Variants in SKAP1 observed in about 807,000 individuals in gnomAD.
SKAP1 encodes the protein src kinase-associated phosphoprotein 1.
SKAP1 carries 44 observed loss-of-function variants against 58.5 expected under a neutral mutation model. The ratio of observed to expected loss-of-function variants is 0.75; its 90% CI spans 0.59 to 0.97. The LOEUF (loss-of-function observed/expected upper bound fraction) is 0.97. Among genes scored for constraint, SKAP1 ranks in the 50% least tolerant of loss-of-function variants. The probability of loss-of-function intolerance (pLI) is 0.00; values close to 1 mark genes in which losing one functional copy is unlikely to be tolerated. For missense variants in SKAP1, 390 were observed against 435.2 expected, an observed-to-expected ratio of 0.90 and a Z score of 0.92; for synonymous variants, 127 against 149.7, an observed-to-expected ratio of 0.85 and a Z score of 1.11.
At chr17:48,238,409 G>GT (rs1209989096) in intron 4 of SKAP1, among the ~76,000 whole-genome samples, 12 of 151,256 alleles carry the variant, frequency 7.9e-5, no homozygotes, top group African/African-American at 2.2e-4. Context: ...TTTATTTTGA[G>GT]TTTTTTTTTG....
rs1291672572 is a variant in SKAP1 at position 48,133,456 on chromosome 17, A to G, written c.*368T>C. 2 of 152,220 alleles carry G rather than the reference A, an allele frequency of 1.3e-5. No individual in the cohort carries two copies. Among genetic ancestry groups the G allele is most frequent in the African/African-American group, 4.8e-5 (2 of 41,452 alleles). 9.4% of individuals were successfully genotyped at this position (152,220 alleles called of 1,614,324 possible). ...ATCATCACACATGGCAAGGAACCAC[A>G]TCCCAAGTTTATTTGTGCTTTTCAA... On this transcript the variant is annotated 3_prime_UTR_variant, in exon 13 of 13. Transcript: ENST00000336915.
At chr17:48,401,777 C>A (rs1043517048) in intron 1 of SKAP1, among the ~76,000 whole-genome samples, 3 of 151,564 alleles carry the variant, frequency 2.0e-5, no homozygotes, top group Non-Finnish European at 4.4e-5. Context: ...ACAAACAAGG[C>A]ATCATCAAAT....
At chr17:48,396,846 G>T in intron 1 of SKAP1, 61 bp from the exon 2 acceptor site, 1 of 1,248,254 alleles carries the variant, frequency 8.0e-7, no homozygotes, top group Non-Finnish European at 1.2e-6. Context: ...AGGAAAATCA[G>T]AAGGATTAAG....
rs1033721765 is a variant in SKAP1 at position 48,230,617 on chromosome 17, G to A, written c.281-41117C>T. On this transcript the variant is annotated intron_variant, in intron 4 of 12. Transcript: ENST00000336915. ...AAAAAATACAAAAAATTAGCCAGGT[G>A]TGGTGGTGTGTGCCTGTAGTCTCAT... Among the ~76,000 whole-genome samples, 11 of 152,210 alleles carry A rather than the reference G, an allele frequency of 7.2e-5. No homozygotes were observed. The South Asian group carries it at 2.3e-3, about 32-fold the overall frequency.
chr17:48,233,800 G>A (rs2065151085), intron 4 of SKAP1, among the ~76,000 whole-genome samples: 1 of 152,124 alleles, frequency 6.6e-6, no homozygotes, highest in Non-Finnish European at 1.5e-5. Flanking sequence ...AGGTTGCAAT[G>A]GGCTGAGATT....
At chr17:48,381,660 AT>A (rs1440796736) in intron 2 of SKAP1, among the ~76,000 whole-genome samples, 1 of 152,182 alleles carries the variant, frequency 6.6e-6, no homozygotes, top group Non-Finnish European at 1.5e-5. Flanking sequence ...GGATTTTTTT[AT>A]CTTTCCCATG....
intron 4 of SKAP1, among the ~76,000 whole-genome samples, chr17:48,204,997 CTTTCTTTCTTTCTTTCTT>C (rs201754580): frequency 0.02 from 908 of 44,554 alleles, 9 homozygotes; most frequent in East Asian, 0.084. Context: ...TTCTTTCTTT[CTTTCTTTCTTTCTTTCTT>C]TTTCTTTCTT....
At chr17:48,216,666 A>AT (rs2064943322) in intron 4 of SKAP1, among the ~76,000 whole-genome samples, 2 of 151,856 alleles carry the variant, frequency 1.3e-5, no homozygotes, top group Non-Finnish European at 2.9e-5. Context: ...TAATTTTTGT[A>AT]TTTTTTGTAG....
intron 3 of SKAP1, among the ~76,000 whole-genome samples, chr17:48,362,866 T>C (rs2066953331): frequency 6.6e-6 from 1 of 152,216 alleles, no homozygotes; most frequent in Non-Finnish European, 1.5e-5. Context: ...GAATAAAAAG[T>C]ACTTAAAAAG....
chr17:48,214,738 A>C, intron 4 of SKAP1, among the ~76,000 whole-genome samples: 1 of 150,876 alleles, frequency 6.6e-6, no homozygotes, highest in South Asian at 2.1e-4. Context: ...CCTGGCCAAC[A>C]TGGTGAAACC....
At chr17:48,172,657 TGA>T (rs1218279840) in intron 9 of SKAP1, among the ~76,000 whole-genome samples, 1 of 152,186 alleles carries the variant, frequency 6.6e-6, no homozygotes, top group Non-Finnish European at 1.5e-5. Context: ...TCCTTTCTCC[TGA>T]GTCTTAATGA....
In SKAP1 at chr17:48,396,686, T is replaced by C. The variant is rs1309287514; in HGVS notation, c.146A>G (p.Lys49Arg). 1.9e-6 allele frequency: 3 copies of C among 1,607,282 alleles called. No individual in the cohort carries two copies. The highest frequency in any genetic ancestry group is 2.6e-6 in the Non-Finnish European group (3 of 1,174,596). ...GGAACCAGTTTATACAAACCTGGCT[T>C]TGATTTGCTGAAAGCCCCGTAGAAT... The part of the protein sequence containing the change: ...DHILRGFQQI[K>R]ARYYWDFQPQ... The change falls in exon 2 of 13, where the codon AAA becomes AGA. Residue 49 changes from lysine (K) to arginine (R), a missense_variant. Coordinates refer to ENST00000336915, the MANE Select transcript of SKAP1 (RefSeq NM_003726.4).
chr17:48,342,899 G>A (rs985216173), intron 4 of SKAP1, among the ~76,000 whole-genome samples: 4 of 151,972 alleles, frequency 2.6e-5, no homozygotes, highest in Non-Finnish European at 5.9e-5. Context: ...GCAGGAGAAT[G>A]GCGTGAACCC....
chr17:48,405,433 CTT>C (rs1292031387), intron 1 of SKAP1, among the ~76,000 whole-genome samples: 1 of 84,152 alleles, frequency 1.2e-5, no homozygotes, highest in South Asian at 3.9e-4. Context: ...TTCTTTCTTT[CTT>C]TCTTTCTTTC....
the SKAP1 span, among the ~76,000 whole-genome samples, chr17:48,436,941 C>T: frequency 6.6e-6 from 1 of 152,180 alleles, no homozygotes; most frequent in Non-Finnish European, 1.5e-5. Context: ...CCTATCTGAT[C>T]CTCTTTCTGT....
chr17:48,298,965 A>T (rs1275837428), intron 4 of SKAP1, among the ~76,000 whole-genome samples: 1 of 152,166 alleles, frequency 6.6e-6, no homozygotes, highest in African/African-American at 2.4e-5. Context: ...CGTGGGGGAA[A>T]TTTTGACCAT....
At chr17:48,369,577 T>C (rs1306617381) in intron 2 of SKAP1, among the ~76,000 whole-genome samples, 1 of 152,202 alleles carries the variant, frequency 6.6e-6, no homozygotes, top group Admixed American at 6.5e-5. Flanking sequence ...TGAGGGAATC[T>C]TGATAAGCAG....
intron 2 of SKAP1, among the ~76,000 whole-genome samples, chr17:48,364,661 C>A (rs1392557214): frequency 6.6e-6 from 1 of 151,990 alleles, no homozygotes; most frequent in Admixed American, 6.6e-5. Context: ...GGTGACAGAG[C>A]GAGACTCCAT....
chr17:48,293,982 A>G (rs1021687859), intron 4 of SKAP1, among the ~76,000 whole-genome samples: 3 of 152,194 alleles, frequency 2.0e-5, no homozygotes, highest in African/African-American at 7.2e-5. Context: ...CAGATCAATC[A>G]TTTATAATTA....
Sources: allele counts gnomAD v4.1 joint callset (sites outside exome capture counted in the v4.1 genomes callset), GRCh38; gene constraint gnomAD v4.1.1; transcripts MANE v1.5; gene names NCBI Gene and HGNC (gene_info 2026-07-23, HGNC 2026-07-21).